SLC5A1: variants seen among roughly 807,000 people sequenced by gnomAD.
SLC5A1 encodes sodium/glucose cotransporter 1.
SLC5A1 carries 42 observed loss-of-function variants against 73.5 expected under a neutral mutation model. The ratio of observed to expected loss-of-function variants is 0.57; its 90% confidence interval spans 0.45 to 0.74. The LOEUF is 0.74. Ranked by LOEUF, SLC5A1 falls within the 30% of genes least tolerant of loss-of-function variation. SLC5A1 has a pLI of 0.00. For synonymous variants in SLC5A1, 300 were observed against 317.4 expected (o/e 0.95, Z 0.58); for missense variants, 634 against 855.4 (o/e 0.74, Z 3.23).
At chr22:32,103,774 A>G (rs1220052317) in intron 13 of SLC5A1, among the ~76,000 whole-genome samples, 9 of 152,214 alleles carry the variant, frequency 5.9e-5, no homozygotes, top group Non-Finnish European at 1.3e-4. Context: ...AGGATGTAAA[A>G]CATTTCTAAC....
chr22:32,085,288 AT>A (rs1254183129), intron 9 of SLC5A1, among the ~76,000 whole-genome samples: 1 of 151,568 alleles, frequency 6.6e-6, no homozygotes, highest in East Asian at 1.9e-4. Context: ...TGCCTGCCTA[AT>A]TTTTAATTTT....
intron 10 of SLC5A1, 55 bp from the exon 11 acceptor site, chr22:32,091,557 G>T: frequency 6.2e-7 from 1 of 1,602,880 alleles, no homozygotes; most frequent in Non-Finnish European, 8.5e-7. Context: ...TATTTTTCAA[G>T]TACAAAAGAG....
At chr22:32,059,369 G>T (rs1322123143) in intron 2 of SLC5A1, 1 of 982,632 alleles carries the variant, frequency 1.0e-6, no homozygotes, top group East Asian at 1.1e-4. Flanking sequence ...GATGGAGATC[G>T]GCTCTGGATG....
chr22:32,054,076 G>C (rs2093948470), intron 2 of SLC5A1, among the ~76,000 whole-genome samples: 1 of 152,166 alleles, frequency 6.6e-6, no homozygotes, highest in African/African-American at 2.4e-5. Context: ...GGGAGGCTGA[G>C]GTAGGAGAAT....
chr22:32,093,675 T>G (rs546301884), intron 11 of SLC5A1, among the ~76,000 whole-genome samples: 1 of 152,306 alleles, frequency 6.6e-6, no homozygotes, highest in Admixed American at 6.5e-5. Flanking sequence ...AGCTACTGAT[T>G]TGTGTACATT....
In SLC5A1 at chr22:32,098,311, T is replaced by C. The variant is rs550158523; in HGVS notation, c.1281-872T>C. ...ACACATGATCATATATGGTCTTGTATTGAGGTCACTGGTGTGTATGTCATG... is the reference window on the plus strand; with the variant it reads ...ACACATGATCATATATGGTCTTGTACTGAGGTCACTGGTGTGTATGTCATG... On this transcript the variant is annotated intron_variant, in intron 11 of 14. Coordinates refer to ENST00000266088, the MANE Select transcript of SLC5A1 (RefSeq NM_000343.4). Among the ~76,000 whole-genome samples the C allele has an allele frequency of 2.8e-4, 42 of 152,374 alleles. No homozygotes were observed. In the South Asian group the frequency reaches 6.6e-3, roughly 24 times the overall value.
At chr22:32,084,689 G>T (rs1392974260) in intron 8 of SLC5A1, 30 bp downstream of exon 8, 3 of 1,595,092 alleles carry the variant, frequency 1.9e-6, no homozygotes, top group Non-Finnish European at 2.6e-6. Context: ...GGGATGGACA[G>T]AGTCTTCTCC....
chr22:32,045,606 C>G (rs1040065620), intron 1 of SLC5A1, among the ~76,000 whole-genome samples: 1 of 152,220 alleles, frequency 6.6e-6, no homozygotes, highest in African/African-American at 2.4e-5. Context: ...GTCAATGTCC[C>G]TCTGTCACCT....
intron 11 of SLC5A1, among the ~76,000 whole-genome samples, chr22:32,097,646 G>A (rs947967770): frequency 2.6e-5 from 4 of 152,086 alleles, no homozygotes; most frequent in African/African-American, 9.7e-5. Context: ...TTATGAAGAA[G>A]AAGACAAAAG....
At position 32,109,308 on chromosome 22, in the gene SLC5A1, G is replaced by T. The variant is rs1223070910; in HGVS notation, c.1772-682G>T. 5.3e-5 allele frequency among the ~76,000 whole-genome samples: 8 copies of T among 152,280 alleles called. 2 individuals carry two copies. Among genetic ancestry groups the T allele is most frequent in the Admixed American group, 5.2e-4 (8 of 15,290 alleles). ...TGCCAGAGTGGGCATTTGAAACCAG[G>T]TTTGTCTACCTCCAGGGCCACGCCT... On this transcript the variant is annotated intron_variant, in intron 14 of 14. Transcript: ENST00000266088.
At chr22:32,064,972 C>G (rs1021870586) in intron 2 of SLC5A1, among the ~76,000 whole-genome samples, 1 of 152,142 alleles carries the variant, frequency 6.6e-6, no homozygotes, top group Non-Finnish European at 1.5e-5. Flanking sequence ...GAGTCAGGGT[C>G]TCACTCTGTC....
chr22:32,056,031 G>GTTGA (rs1354703813), intron 2 of SLC5A1, among the ~76,000 whole-genome samples: 2 of 152,222 alleles, frequency 1.3e-5, no homozygotes, highest in East Asian at 3.9e-4. Flanking sequence ...TTTTGTTGTT[G>GTTGA]TTGTTTGTTT....
intron 12 of SLC5A1, 133 bp from the exon 13 acceptor site, chr22:32,101,889 G>C (rs923000603): frequency 2.7e-6 from 2 of 732,800 alleles, no homozygotes; most frequent in East Asian, 5.3e-5. Context: ...AGTGTTCTGG[G>C]TTCAGACAGC....
At chr22:32,046,369 CTT>C (rs130263) in intron 1 of SLC5A1, among the ~76,000 whole-genome samples, 1 of 145,364 alleles carries the variant, frequency 6.9e-6, no homozygotes. Flanking sequence ...TTCCTTTGCT[CTT>C]TTTTTTTTTT....
intron 2 of SLC5A1, among the ~76,000 whole-genome samples, chr22:32,053,549 C>T (rs2093947802): frequency 6.6e-6 from 1 of 152,268 alleles, no homozygotes; most frequent in Middle Eastern, 3.4e-3. Context: ...TGTTTCTAGG[C>T]ATCAATTGAT....
intron 11 of SLC5A1, among the ~76,000 whole-genome samples, chr22:32,096,842 G>T (rs758040832): frequency 6.6e-6 from 1 of 152,258 alleles, no homozygotes. Flanking sequence ...GGTATAGGCT[G>T]CTACCTCATA....
rs931122090 is a variant in SLC5A1 at position 32,052,143 on chromosome 22, A to G, written c.207+2129A>G. 2.6e-5 allele frequency among the ~76,000 whole-genome samples: 4 copies of G among 152,122 alleles called. No individual in the cohort carries two copies. The East Asian group carries it at 5.8e-4, about 22-fold the overall frequency. ...TACACAAGATAATGACAGAGCTAAG[A>G]CTTCCTCTGATCTTCTGGTTATTCA... On this transcript the variant is annotated intron_variant, in intron 2 of 14. Coordinates refer to ENST00000266088, the MANE Select transcript of SLC5A1 (RefSeq NM_000343.4).
intron 2 of SLC5A1, among the ~76,000 whole-genome samples, chr22:32,063,155 C>A (rs921328460): frequency 1.3e-5 from 2 of 152,158 alleles, no homozygotes; most frequent in Admixed American, 6.5e-5. Flanking sequence ...ACCTTATTAT[C>A]TCCCTAAAAG....
At chr22:32,102,304 T>TC in intron 13 of SLC5A1, 67 bp downstream of exon 13, 1 of 1,242,862 alleles carries the variant, frequency 8.0e-7, no homozygotes, top group Non-Finnish European at 1.2e-6. Flanking sequence ...TAATTTTTTT[T>TC]AAATTTTTCA....
Sources: allele counts gnomAD v4.1 joint callset (sites outside exome capture counted in the v4.1 genomes callset), GRCh38; gene constraint gnomAD v4.1.1; transcripts MANE v1.5; gene names NCBI Gene and HGNC (gene_info 2026-07-23, HGNC 2026-07-21).